Variants in AP3B1 observed in about 807,000 individuals in gnomAD.
AP3B1 encodes the protein AP-3 complex subunit beta-1.
AP3B1 carries 61 observed loss-of-function variants against 132.5 expected under a neutral mutation model. That is an observed-to-expected ratio of 0.46 (90% confidence interval 0.37 to 0.57). The LOEUF is 0.57. Among genes scored for constraint, AP3B1 ranks in the 20% least tolerant of loss-of-function variants. AP3B1 has a pLI of 0.00. For synonymous variants in AP3B1, 388 were observed against 438.3 expected (o/e 0.89, Z 1.43); for missense variants, 1,120 against 1,289.4 (o/e 0.87, Z 2.01).
intron 1 of AP3B1, among the ~76,000 whole-genome samples, chr5:78,290,191 A>G (rs1749452737): frequency 6.6e-6 from 1 of 152,220 alleles, no homozygotes; most frequent in African/African-American, 2.4e-5. Flanking sequence ...ACTACTACAA[A>G]TGGAAAACAT....
intron 21 of AP3B1, among the ~76,000 whole-genome samples, chr5:78,093,767 T>C (rs1019933570): frequency 6.6e-6 from 1 of 152,252 alleles, no homozygotes; most frequent in Non-Finnish European, 1.5e-5. Context: ...CAGTTCTAAA[T>C]GCTTTTACGT....
chr5:78,207,212 C>T (rs979839813), intron 7 of AP3B1, among the ~76,000 whole-genome samples: 1 of 147,444 alleles, frequency 6.8e-6, no homozygotes, highest in African/African-American at 2.5e-5. Context: ...GAGCCAAGAT[C>T]GTGCCACTGT....
chr5:78,144,630 G>A (rs1753306275), intron 14 of AP3B1, among the ~76,000 whole-genome samples: 1 of 152,202 alleles, frequency 6.6e-6, no homozygotes, highest in South Asian at 2.1e-4. Context: ...ACAATGGGGT[G>A]CCAGAGAAAG....
At position 78,117,482 on chromosome 5, in the gene AP3B1, G is replaced by C. The variant is rs568647180; in HGVS notation, c.1969-1248C>G. Among the ~76,000 whole-genome samples, 5 of 151,828 alleles carry C rather than the reference G, an allele frequency of 3.3e-5. No homozygotes were observed. The East Asian group carries it at 9.7e-4, about 29-fold the overall frequency. The stretch of plus-strand genomic sequence containing the variant: ...CCACCACCACGCCCAGCTAATTTTT[G>C]TATTTTTAGTAGAGACAGGATTTCA... On this transcript the variant is annotated intron_variant, in intron 17 of 26. Coordinates refer to ENST00000255194, the MANE Select transcript of AP3B1 (RefSeq NM_003664.5).
intron 17 of AP3B1, among the ~76,000 whole-genome samples, chr5:78,124,615 C>T (rs1011186059): frequency 2.0e-5 from 3 of 152,034 alleles, no homozygotes; most frequent in Non-Finnish European, 2.9e-5. Flanking sequence ...AACCACTGAT[C>T]TAGAGGGTTT....
chr5:78,082,595 A>T (rs1027981771), intron 22 of AP3B1, among the ~76,000 whole-genome samples: 4 of 152,202 alleles, frequency 2.6e-5, no homozygotes, highest in Non-Finnish European at 5.9e-5. Context: ...TCACAATGAT[A>T]ATAAACACAG....
In AP3B1 at chr5:78,273,770, C is replaced by T. The variant is rs76154385; in HGVS notation, c.129-6175G>A. On this transcript the variant is annotated intron_variant, in intron 1 of 26. Transcript: ENST00000255194. ...GCCACACAGAGTGCTAAGGAAGATG[C>T]CCGAGGAGTATAAGAAAAAGTTCCA... Among the ~76,000 whole-genome samples the T allele has an allele frequency of 8.3e-3, 1,263 of 151,972 alleles. 12 individuals are homozygous for T. Among genetic ancestry groups the T allele is most frequent in the African/African-American group, 0.029 (1,198 of 41,406 alleles).
chr5:78,029,490 A>G (rs987530382), intron 24 of AP3B1, among the ~76,000 whole-genome samples: 2 of 150,636 alleles, frequency 1.3e-5, no homozygotes, highest in African/African-American at 4.9e-5. Context: ...GCATATGTTA[A>G]ATTTTGTTTT....
chr5:78,050,068 T>C (rs1748514631), intron 22 of AP3B1, among the ~76,000 whole-genome samples: 1 of 152,176 alleles, frequency 6.6e-6, no homozygotes, highest in Non-Finnish European at 1.5e-5. Context: ...TTCCTTGCTA[T>C]TCCTTTTGCA....
chr5:78,240,795 C>T (rs1315165569), intron 3 of AP3B1, 67 bp downstream of exon 3: 1 of 1,069,108 alleles, frequency 9.4e-7, no homozygotes, highest in Non-Finnish European at 1.5e-6. Context: ...TTGCATTATA[C>T]TACATAAAAA....
At chr5:78,126,475 A>G (rs1426446871) in intron 17 of AP3B1, among the ~76,000 whole-genome samples, 2 of 138,630 alleles carry the variant, frequency 1.4e-5, no homozygotes, top group African/African-American at 2.7e-5. Flanking sequence ...CCTGCACTGC[A>G]GCCTGGGTGA....
intron 22 of AP3B1, among the ~76,000 whole-genome samples, chr5:78,069,362 A>T (rs978122962): frequency 1.3e-5 from 2 of 152,226 alleles, no homozygotes; most frequent in African/African-American, 4.8e-5. Flanking sequence ...CCATCATCTC[A>T]GCCCAAAAGC....
chr5:78,213,032 C>T (rs1445719823), intron 7 of AP3B1, among the ~76,000 whole-genome samples: 4 of 152,058 alleles, frequency 2.6e-5, no homozygotes, highest in Admixed American at 6.6e-5. Context: ...TGCCCGCCAC[C>T]GTGCCCGGCT....
rs140159268 is a variant in AP3B1, at chr5:78,015,294, G to GTA, written c.3131+114_3131+115dup. ...CCATCAGAAAAAAAAGGGAGTGTGTGTATATATATATATGTTTAGGGGTTA... is the reference window on the plus strand; with the variant it reads ...CCATCAGAAAAAAAAGGGAGTGTGTGTATATATATATATATGTTTAGGGGTTA... On this transcript the variant is annotated intron_variant, in intron 26 of 26. Transcript: ENST00000255194. 31,296 of 1,034,802 alleles carry GTA rather than the reference G, an allele frequency of 0.03. 641 individuals carry two copies. Among genetic ancestry groups the GTA allele is most frequent in the East Asian group, 0.18 (6,432 of 36,138 alleles). The allele number at this position is 1,034,802 out of a possible 1,614,324, so 64.1% of individuals were successfully genotyped here. A position where few individuals can be genotyped will look rare whatever the true frequency, so the allele number is the denominator to read the frequency against.
chr5:78,287,906 G>A (rs1420425706), intron 1 of AP3B1, among the ~76,000 whole-genome samples: 2 of 152,066 alleles, frequency 1.3e-5, no homozygotes, highest in African/African-American at 4.8e-5. Flanking sequence ...TAGAACACAA[G>A]AGATTTAAAT....
At chr5:78,094,435 C>T (rs899193317) in intron 21 of AP3B1, among the ~76,000 whole-genome samples, 2 of 152,014 alleles carry the variant, frequency 1.3e-5, no homozygotes, top group African/African-American at 2.4e-5. Flanking sequence ...ACCACTAAAC[C>T]GATTAAAAGC....
chr5:78,109,955 C>T (rs1751501466), intron 20 of AP3B1, among the ~76,000 whole-genome samples: 1 of 151,298 alleles, frequency 6.6e-6, no homozygotes, highest in East Asian at 1.9e-4. Context: ...CCTTTCACTT[C>T]CCCTTCAGCA....
intron 1 of AP3B1, among the ~76,000 whole-genome samples, chr5:78,274,867 A>C (rs1023747936): frequency 5.3e-5 from 8 of 152,174 alleles, no homozygotes; most frequent in Non-Finnish European, 1.0e-4. Flanking sequence ...TCAAGGCTGC[A>C]GTGAGCTATG....
chr5:78,168,028 A>T (rs1246713054), intron 11 of AP3B1, among the ~76,000 whole-genome samples: 8 of 150,860 alleles, frequency 5.3e-5, no homozygotes, highest in Non-Finnish European at 1.2e-4. Flanking sequence ...AAAAAAAAAA[A>T]CAAAAAAAAT....
Sources: gnomAD v4.1 joint callset for allele counts (sites outside exome capture counted in the v4.1 genomes callset) on GRCh38, gnomAD v4.1.1 for gene constraint, MANE v1.5 for transcripts, NCBI Gene and HGNC (gene_info 2026-07-23, HGNC 2026-07-21) for gene names.